GOLGA6L2: variants seen among roughly 807,000 people sequenced by gnomAD.
GOLGA6L2 encodes the protein golgin subfamily A member 6-like protein 2.
A neutral mutation model predicts 35.9 loss-of-function variants in GOLGA6L2; 30 were observed. That is an observed-to-expected ratio of 0.83 (90% CI 0.62 to 1.13). The LOEUF (loss-of-function observed/expected upper bound fraction) is 1.13. GOLGA6L2 is among the 50% of genes most tolerant of loss of function. The pLI is 0.00. For synonymous variants in GOLGA6L2, 297 were observed against 344.0 expected (o/e 0.86, Z 1.51); for missense variants, 821 against 973.4 (o/e 0.84, Z 2.08).
Position 23,444,250 on chromosome 15 carries a change from G to T in GOLGA6L2, c.244-38C>A, listed in dbSNP as rs774020830. On this transcript the variant is annotated intron_variant, in intron 3 of 7. Transcript: ENST00000567107. Reference sequence around the variant, plus strand: ...GAAGACAGAGCTCTTACTAGGGGGAGGCAGAGATCCACAGCAAGAGACATG... The same window carrying T: ...GAAGACAGAGCTCTTACTAGGGGGATGCAGAGATCCACAGCAAGAGACATG... 17 of 1,594,174 alleles carry T rather than the reference G, an allele frequency of 1.1e-5. No individual in the cohort carries two copies. In the African/African-American group the frequency reaches 1.6e-4, roughly 15 times the overall value.
intron 7 of GOLGA6L2, 117 bp from the exon 8 acceptor site, chr15:23,441,799 C>T: frequency 7.4e-7 from 1 of 1,356,734 alleles, no homozygotes; most frequent in Non-Finnish European, 9.7e-7. Flanking sequence ...TTCTGATTTC[C>T]CAGGCAGGGC....
At chr15:23,447,045 AG>A in intron 1 of GOLGA6L2, 52 bp downstream of exon 1, 1 of 667,684 alleles carries the variant, frequency 1.5e-6, no homozygotes, top group Non-Finnish European at 2.3e-6. Context: ...CTGCCATGGG[AG>A]GGGGCCTGGG....
intron 5 of GOLGA6L2, among the ~76,000 whole-genome samples, chr15:23,443,051 C>T (rs762549882): frequency 3.9e-5 from 6 of 151,998 alleles, no homozygotes; most frequent in East Asian, 1.9e-4. Context: ...CCATAGGAGA[C>T]GGTTACCATT....
At chr15:23,444,798 A>G (rs1253762596) in intron 2 of GOLGA6L2, among the ~76,000 whole-genome samples, 2 of 152,222 alleles carry the variant, frequency 1.3e-5, no homozygotes, top group African/African-American at 4.8e-5. Flanking sequence ...TGTGATTTAG[A>G]AAGGTGCATT....
rs1191698153 is a variant in GOLGA6L2, at chr15:23,441,110, C to A, written c.1365G>T (p.Arg455=). The change falls in exon 8 of 8, where the codon CGG becomes CGT. Residue 455 remains arginine, a synonymous_variant. Transcript: ENST00000567107. ...KMQEEERIRE[R]EKKMREEEET... ...CCTCCTCTTCCCGCATCTTCTTCTC[C>A]CGCTCCCGTATCCTCTCCTCCTCTT... The A allele has an allele frequency of 2.0e-6, 3 of 1,530,704 alleles. No individual in the cohort carries two copies. The highest frequency in any genetic ancestry group is 1.2e-5 in the South Asian group (1 of 83,452). The allele number at this position is 1,530,704 out of a possible 1,614,324, so 94.8% of individuals were successfully genotyped here.
chr15:23,443,179 T>G (rs2070716960), intron 5 of GOLGA6L2, among the ~76,000 whole-genome samples: 1 of 152,140 alleles, frequency 6.6e-6, no homozygotes, highest in Admixed American at 6.5e-5. Context: ...CTAAGCCCAT[T>G]CTTTCCCTGG....
Position 23,440,942 on chromosome 15 carries a change from C to T in GOLGA6L2, c.1533G>A (p.Glu511=). The T allele has an allele frequency of 4.5e-6, 6 of 1,340,770 alleles. No individual in the cohort carries two copies. Among genetic ancestry groups the T allele is most frequent in the Non-Finnish European group, 3.9e-6 (4 of 1,016,486 alleles). 83.1% of individuals were successfully genotyped at this position (1,340,770 alleles called of 1,614,324 possible). Residue 511 remains glutamate, a synonymous_variant, in exon 8 of 8, where the codon GAG becomes GAA. Transcript: ENST00000567107. ...WEQEKMQEQE[E]KIWEQEEKIR... ...TCTTCTCCTCCTGCTCCCATATCTT[C>T]TCCTCCTGCTCCTGCATCTTCTCCT...
rs1487128486 is a variant in GOLGA6L2, at chr15:23,441,577, C to T, written c.898G>A (p.Glu300Lys). 4 of 1,542,376 alleles carry T rather than the reference C, an allele frequency of 2.6e-6. No individual in the cohort carries two copies. Among genetic ancestry groups the T allele is most frequent in the African/African-American group, 1.4e-5 (1 of 72,658 alleles). Reference sequence around the variant, plus strand: ...TTCCCCTCCTGCTCCCGCAGTCTCTCCTCCTGTCTCCACATCTTCTCCTCC... The same window carrying T: ...TTCCCCTCCTGCTCCCGCAGTCTCTTCTCCTGTCTCCACATCTTCTCCTCC... ...KQEEKMWRQE[E>K]RLREQEGKMR... Residue 300 changes from glutamate to lysine, a missense_variant, in exon 8 of 8, where the codon GAG (glutamate) becomes AAG (lysine). By Grantham distance (56) the Glu-to-Lys change is moderately conservative. Around this residue, in one of 7 missense-constraint regions of GOLGA6L2, gnomAD observed 614 missense variants for 632.3 expected, o/e 0.97. Transcript: ENST00000567107.
In GOLGA6L2 at chr15:23,439,170, A is replaced by G. The variant is rs1431938563; in HGVS notation, c.*575T>C. The stretch of plus-strand genomic sequence containing the variant: ...GGTAGAAACTTTTTTTTTTTTTTTG[A>G]GATGGAATCTCGCTCTGTCATCCAG... On this transcript the variant is annotated 3_prime_UTR_variant, in exon 8 of 8. Coordinates refer to ENST00000567107, the MANE Select transcript of GOLGA6L2 (RefSeq NM_001304388.2). Among the ~76,000 whole-genome samples, 5 of 12,904 alleles carry G rather than the reference A, an allele frequency of 3.9e-4. No homozygotes were observed. Among genetic ancestry groups the G allele is most frequent in the Non-Finnish European group, 1.3e-3 (5 of 3,922 alleles). The allele number at this position is 12,904 out of a possible 152,430, so 8.5% of individuals were successfully genotyped here.
chr15:23,442,065 G>C lies in GOLGA6L2; in HGVS notation c.706C>G (p.Leu236Val). The C allele has an allele frequency of 6.5e-7, 1 of 1,545,480 alleles. No individual in the cohort carries two copies. Among genetic ancestry groups the C allele is most frequent in the Non-Finnish European group, 8.7e-7 (1 of 1,152,136 alleles). The change falls in exon 7 of 8, where the codon CTT (leucine) becomes GTT (valine). Residue 236 changes from leucine to valine, a missense_variant. By Grantham distance (32) the Leu-to-Val change is conservative. Around this residue, in one of 7 missense-constraint regions of GOLGA6L2, gnomAD observed 614 missense variants for 632.3 expected, o/e 0.97. Transcript: ENST00000567107. ...KNAELQEKLR[L>V]AESEKSEIQL... ...ATCTCAGACTTTTCAGATTCTGCAA[G>C]TCGAAGTTTTTCTTGTAGTTCGGCA...
chr15:23,443,588 G>GC (rs928894697), intron 5 of GOLGA6L2, among the ~76,000 whole-genome samples, 189 bp downstream of exon 5: 2 of 152,110 alleles, frequency 1.3e-5, no homozygotes, highest in African/African-American at 4.8e-5. Flanking sequence ...TCCCCACAGT[G>GC]CCCCCCAACT....
Position 23,447,238 on chromosome 15 carries a change from G to A in GOLGA6L2, c.-57C>T, listed in dbSNP as rs1453324314. ...CTCCAGTCACGTACCACGCAGCTAT[G>A]TGACTGAGCCAGAGGAGGTGTAACC... On this transcript the variant is annotated 5_prime_UTR_variant, in exon 1 of 8. Coordinates refer to ENST00000567107, the MANE Select transcript of GOLGA6L2 (RefSeq NM_001304388.2). The A allele has an allele frequency of 2.0e-6, 2 of 1,001,702 alleles. No individual in the cohort carries two copies. Among genetic ancestry groups the A allele is most frequent in the Admixed American group, 3.4e-5 (2 of 57,998 alleles). 62.1% of individuals were successfully genotyped at this position (1,001,702 alleles called of 1,614,324 possible). A position where few individuals can be genotyped will look rare whatever the true frequency, so the allele number is the denominator to read the frequency against.
chr15:23,444,005 G>T lies in GOLGA6L2; in HGVS notation c.363C>A (p.Ser121Arg), dbSNP rs1306501405. ...CTTCAAATTTCCTGGCAGCATCCTG[G>T]CTGTAATAGAGCGCTGTCTCCAGTT... ...KTELETALYY[S>R]QDAARKFEDG... The change falls in exon 5 of 8, where the codon AGC becomes AGA. Residue 121 changes from serine (S) to arginine (R), a missense_variant. Coordinates refer to ENST00000567107, the MANE Select transcript of GOLGA6L2 (RefSeq NM_001304388.2). The T allele has an allele frequency of 1.3e-6, 2 of 1,553,742 alleles. No individual in the cohort carries two copies. Among genetic ancestry groups the T allele is most frequent in the African/African-American group, 2.7e-5 (2 of 73,614 alleles).
At chr15:23,444,775 C>G (rs548059064) in intron 2 of GOLGA6L2, among the ~76,000 whole-genome samples, 1 of 152,112 alleles carries the variant, frequency 6.6e-6, no homozygotes, top group Non-Finnish European at 1.5e-5. Context: ...AAAAGCCCAC[C>G]CTTCTGCTAG....
chr15:23,442,203 C>T, intron 6 of GOLGA6L2, 83 bp from the exon 7 acceptor site: 2 of 1,455,842 alleles, frequency 1.4e-6, no homozygotes, highest in South Asian at 1.2e-5. Context: ...TCTCGCCCCA[C>T]AAGCACAGAA....
chr15:23,444,371 C>T, intron 3 of GOLGA6L2, 100 bp downstream of exon 3: 2 of 1,488,110 alleles, frequency 1.3e-6, no homozygotes. Context: ...GGCGGTGAGC[C>T]TTCTTCCCCA....
At chr15:23,442,533 A>C in intron 5 of GOLGA6L2, 25 bp from the exon 6 acceptor site, 1 of 1,576,582 alleles carries the variant, frequency 6.3e-7, no homozygotes, top group Non-Finnish European at 8.6e-7. Context: ...AGGTTAAGTC[A>C]GGACAGAGCA....
In GOLGA6L2 at chr15:23,444,499, G is replaced by T. The variant is rs576463274; in HGVS notation, c.215C>A (p.Thr72Lys). The T allele has an allele frequency of 2.2e-5, 35 of 1,599,696 alleles. No individual in the cohort carries two copies. The South Asian group carries it at 2.2e-4, about 10-fold the overall frequency. ...TSEGCHSPEDTQQNRAQLKEE... is the reference protein window; with the variant it reads ...TSEGCHSPEDKQQNRAQLKEE... ...TTTCAGCTGCGCTCGGTTCTGTTGT[G>T]TCTGTGGGGAGAGTCAAAGGAAGGT... Residue 72 changes from threonine to lysine, a missense_variant and splice_region_variant, in exon 3 of 8, where the codon ACA becomes AAA. This residue lies in a region of GOLGA6L2 where 614 missense variants were observed against 632.3 expected (regional missense o/e 0.97). Transcript: ENST00000567107.
chr15:23,444,557 AG>A, intron 2 of GOLGA6L2, 57 bp from the exon 3 acceptor site: 1 of 1,538,626 alleles, frequency 6.5e-7, no homozygotes, highest in Non-Finnish European at 8.9e-7. Context: ...TCTATTCCCC[AG>A]GCCAGGAAGC....
Sources: gnomAD v4.1 joint callset for allele counts (sites outside exome capture counted in the v4.1 genomes callset) on GRCh38, gnomAD v4.1.1 for gene constraint, gnomAD v4.1.1 regional missense constraint, MANE v1.5 for transcripts, NCBI Gene and HGNC (gene_info 2026-07-23, HGNC 2026-07-21) for gene names.